INPPL1: variants seen among roughly 807,000 people sequenced by gnomAD.
INPPL1 encodes inositol polyphosphate phosphatase like 1.
In INPPL1, 91 loss-of-function variants were observed where a neutral mutation model predicts 139.3. The observed-to-expected ratio is 0.65, with a 90% confidence interval of 0.55 to 0.78. The LOEUF is 0.78. Among genes scored for constraint, INPPL1 ranks in the 30% least tolerant of loss-of-function variants. The pLI is 0.00. For synonymous variants in INPPL1, 719 were observed against 686.6 expected, an observed-to-expected ratio of 1.05 and a Z score of -0.74; for missense variants, 1,411 against 1,665.6, an observed-to-expected ratio of 0.85 and a Z score of 2.66.
rs1211956328 is a variant in INPPL1, at chr11:72,230,291, G to C, written c.1090+20G>C. On this transcript the variant is annotated intron_variant, in intron 9 of 27. Transcript: ENST00000298229. ...ACCGCAGTGAGCCAGGGCCAGACCT[G>C]GGAGGGGTGGGCAGGGCGGAGCCCC... The C allele has an allele frequency of 1.2e-6, 2 of 1,610,188 alleles. No individual in the cohort carries two copies. The highest frequency in any genetic ancestry group is 1.7e-5 in the Admixed American group (1 of 59,778).
In INPPL1 at chr11:72,238,363, C is replaced by T. The variant is rs764960933; in HGVS notation, c.*10C>T. The T allele has an allele frequency of 6.5e-7, 1 of 1,526,748 alleles. No homozygotes were observed. The allele number at this position is 1,526,748 out of a possible 1,614,324, so 94.6% of individuals were successfully genotyped here. ...GCAGCTCAGCAAGTGATAGCGGAGGCACCACGAAGCTGTGAACTCAGAGCC... is the reference window on the plus strand; with the variant it reads ...GCAGCTCAGCAAGTGATAGCGGAGGTACCACGAAGCTGTGAACTCAGAGCC... On this transcript the variant is annotated 3_prime_UTR_variant, in exon 28 of 28. Transcript: ENST00000298229.
chr11:72,225,433 C>G (rs748135469), intron 1 of INPPL1: 2 of 985,228 alleles, frequency 2.0e-6, no homozygotes, highest in Non-Finnish European at 2.4e-6. Flanking sequence ...ACGAAAAATT[C>G]GGGCATTCCC....
Position 72,228,509 on chromosome 11 carries a change from G to T in INPPL1, c.397+11G>T, listed in dbSNP as rs1000207551. ...ACCGGGATGCCTCAGGTACTTCCCA[G>T]TGTGCAGGTCCCCTCCCTGCCCCTG... On this transcript the variant is annotated intron_variant, in intron 3 of 27. Transcript: ENST00000298229. The surrounding 1 kb of genome is among the most constrained non-coding windows in gnomAD (Gnocchi z 5.0). The T allele has an allele frequency of 6.2e-7, 1 of 1,603,852 alleles. No individual in the cohort carries two copies. The highest frequency in any genetic ancestry group is 8.5e-7 in the Non-Finnish European group (1 of 1,179,866).
Position 72,235,576 on chromosome 11 carries a change from G to T in INPPL1, c.2660-99G>T. 1 of 1,569,134 alleles carries T rather than the reference G, an allele frequency of 6.4e-7. No homozygotes were observed. The highest frequency in any genetic ancestry group is 1.1e-5 in the South Asian group (1 of 87,230). On this transcript the variant is annotated intron_variant, in intron 23 of 27. Transcript: ENST00000298229. The surrounding 1 kb of genome is among the most constrained non-coding windows in gnomAD (Gnocchi z 4.9). ...TGCAGCCACAGCTGGGAATAGTCCT[G>T]CCCCAAGGCATAGCTGGGAAAGGGC...
In INPPL1 at chr11:72,238,420, C is replaced by T. The variant is rs1949064688; in HGVS notation, c.*67C>T. On this transcript the variant is annotated 3_prime_UTR_variant, in exon 28 of 28. Coordinates refer to ENST00000298229, the MANE Select transcript of INPPL1 (RefSeq NM_001567.4). ...TGCTACCAAGGCCCAGCTATGGCCCCAGGGTTGAAAAGTTATGAGGGTCAG... is the reference window on the plus strand; with the variant it reads ...TGCTACCAAGGCCCAGCTATGGCCCTAGGGTTGAAAAGTTATGAGGGTCAG... 7.2e-7 allele frequency: 1 copy of T among 1,398,258 alleles called. No individual in the cohort carries two copies. The highest frequency in any genetic ancestry group is 9.6e-7 in the Non-Finnish European group (1 of 1,041,538). 86.6% of individuals were successfully genotyped at this position (1,398,258 alleles called of 1,614,324 possible).
chr11:72,228,541 G>A lies in INPPL1; in HGVS notation c.397+43G>A. On this transcript the variant is annotated intron_variant, in intron 3 of 27. Coordinates refer to ENST00000298229, the MANE Select transcript of INPPL1 (RefSeq NM_001567.4). This position sits in a 1 kb window ranked among gnomAD's most constrained non-coding sequence, Gnocchi z 5.0. ...GGTCCCCTCCCTGCCCCTGTCCCTTGGCTCTACCTGCCTCTTCCCATCCCC... is the reference window on the plus strand; with the variant it reads ...GGTCCCCTCCCTGCCCCTGTCCCTTAGCTCTACCTGCCTCTTCCCATCCCC... The A allele has an allele frequency of 6.3e-7, 1 of 1,594,236 alleles. No homozygotes were observed. The highest frequency in any genetic ancestry group is 8.5e-7 in the Non-Finnish European group (1 of 1,175,250).
At chr11:72,225,727 C>T (rs899362438) in intron 1 of INPPL1, among the ~76,000 whole-genome samples, 38 of 152,144 alleles carry the variant, frequency 2.5e-4, no homozygotes, top group African/African-American at 8.9e-4. Context: ...GGGACCTTGC[C>T]ATTATTTCTG....
chr11:72,223,836 C>CCGGGGCGGCG (rs975962196), upstream of INPPL1: 2 of 150,140 alleles, frequency 1.3e-5, no homozygotes, highest in East Asian at 3.9e-4. Flanking sequence ...CCCCGGCTCC[C>CCGGGGCGGCG]CGGGGCGGCG....
chr11:72,230,872 C>T lies in INPPL1; in HGVS notation c.1274C>T (p.Ser425Leu). 4 of 1,614,066 alleles carry T rather than the reference C, an allele frequency of 2.5e-6. No individual in the cohort carries two copies. Among genetic ancestry groups the T allele is most frequent in the Non-Finnish European group, 3.4e-6 (4 of 1,179,996 alleles). The change falls in exon 11 of 28, where the codon TCA becomes TTA. Residue 425 changes from serine (S) to leucine (L), a missense_variant. Physicochemically the swap from Ser to Leu is moderately radical, Grantham distance 145. This residue lies in a region of INPPL1 where 504 missense variants were observed against 595.6 expected (regional missense o/e 0.85). Coordinates refer to ENST00000298229, the MANE Select transcript of INPPL1 (RefSeq NM_001567.4). ...AAGCAGGACGAGCCCGACATGATCT[C>T]AGTCTTCATAGGCACCTGGAACATG... The part of the protein sequence containing the change: ...HSKQDEPDMI[S>L]VFIGTWNMGS...
rs1226193300 is a variant in INPPL1 at position 72,237,534 on chromosome 11, C to T, written c.3290C>T (p.Pro1097Leu). ...CCACCTCCCAAGGCCCATCCAAGGC[C>T]TCCACTGCCCCCAGGCCCCTCACCA... Reference protein sequence around the residue: ...GPPPPKAHPRPPLPPGPSPAS... With the variant: ...GPPPPKAHPRLPLPPGPSPAS... The change falls in exon 26 of 28, where the codon CCT becomes CTT. Residue 1097 changes from proline to leucine, a missense_variant. Around this residue, in one of 5 missense-constraint regions of INPPL1, gnomAD observed 438 missense variants for 425.7 expected, o/e 1.03. Transcript: ENST00000298229. The T allele has an allele frequency of 9.3e-6, 15 of 1,605,032 alleles. No individual in the cohort carries two copies. The highest frequency in any genetic ancestry group is 1.2e-5 in the Non-Finnish European group (14 of 1,174,130).
At chr11:72,233,054 C>T in intron 16 of INPPL1, 21 bp from the exon 17 acceptor site, 1 of 1,612,484 alleles carries the variant, frequency 6.2e-7, no homozygotes, top group Non-Finnish European at 8.5e-7. Context: ...CTGAACCCCA[C>T]CTGTCTCCTG....
rs2276048 is a variant in INPPL1 at position 72,230,168 on chromosome 11, A to G, written c.987A>G (p.Ser329=). 332,814 of 1,610,878 alleles carry G rather than the reference A, an allele frequency of 0.21. 39,762 individuals carry two copies. Among genetic ancestry groups the G allele is most frequent in the African/African-American group, 0.48 (36,307 of 74,966 alleles). The change falls in exon 9 of 28, where the codon TCA becomes TCG. Residue 329 remains serine (S), a synonymous_variant. Transcript: ENST00000298229. The part of the protein sequence containing the change: ...TLGDLTKIGK[S]QKFTLSVDVE... ...GTGACCTGACCAAGATTGGGAAGTCACAGAAGTTCACGCTGAGCGTGGATG... is the reference window on the plus strand; with the variant it reads ...GTGACCTGACCAAGATTGGGAAGTCGCAGAAGTTCACGCTGAGCGTGGATG...
Position 72,234,579 on chromosome 11 carries a change from C to T in INPPL1, c.2379C>T (p.Phe793=), listed in dbSNP as rs1948928311. ...CCCAGAGCAGTGACAACATCAACTTCCTCAAAGTGCAGTGGTCTTCACGCC... is the reference window on the plus strand; with the variant it reads ...CCCAGAGCAGTGACAACATCAACTTTCTCAAAGTGCAGTGGTCTTCACGCC... ...NDAQSSDNIN[F]LKVQWSSRQL... Residue 793 remains phenylalanine (F), a synonymous_variant, in exon 21 of 28, where the codon TTC becomes TTT. Coordinates refer to ENST00000298229, the MANE Select transcript of INPPL1 (RefSeq NM_001567.4). This position sits in a 1 kb window ranked among gnomAD's most constrained non-coding sequence, Gnocchi z 4.2. 1 of 1,610,120 alleles carries T rather than the reference C, an allele frequency of 6.2e-7. No homozygotes were observed. Among genetic ancestry groups the T allele is most frequent in the Non-Finnish European group, 8.5e-7 (1 of 1,177,712 alleles).
At chr11:72,225,802 C>T (rs1470386021) in intron 1 of INPPL1, among the ~76,000 whole-genome samples, 1 of 152,194 alleles carries the variant, frequency 6.6e-6, no homozygotes, top group Non-Finnish European at 1.5e-5. Context: ...GCTGCCCTAG[C>T]CCTGAGCTAT....
chr11:72,235,553 C>A lies in INPPL1; in HGVS notation c.2659+102C>A. ...ATCTCTGGGATACCTGGAGGTTCTG[C>A]AGCCACAGCTGGGAATAGTCCTGCC... is the stretch of plus-strand genomic sequence containing the variant. On this transcript the variant is annotated intron_variant, in intron 23 of 27. Transcript: ENST00000298229. The surrounding 1 kb of genome is among the most constrained non-coding windows in gnomAD (Gnocchi z 4.9). 1 of 1,555,702 alleles carries A rather than the reference C, an allele frequency of 6.4e-7. No individual in the cohort carries two copies.
chr11:72,232,536 T>C (rs962544586), intron 14 of INPPL1, 90 bp from the exon 15 acceptor site: 2 of 1,500,770 alleles, frequency 1.3e-6, no homozygotes, highest in Non-Finnish European at 1.8e-6. Context: ...CATCCCTGAC[T>C]CCTGAGACTT....
In INPPL1 at chr11:72,235,950, C is replaced by G; in HGVS notation, c.2843C>G (p.Pro948Arg). The part of the protein sequence containing the change: ...PPPTGRPPAP[P>R]RAAPREEPLT... ...CCAACGGGGAGGCCCCCAGCCCCACCCCGAGCAGCTCCCCGGGAGGAGCCC... is the reference window on the plus strand; with the variant it reads ...CCAACGGGGAGGCCCCCAGCCCCACGCCGAGCAGCTCCCCGGGAGGAGCCC... The change falls in exon 25 of 28, where the codon CCC becomes CGC. Residue 948 changes from proline (P) to arginine (R), a missense_variant. This residue lies in a region of INPPL1 where 438 missense variants were observed against 425.7 expected (regional missense o/e 1.03). Coordinates refer to ENST00000298229, the MANE Select transcript of INPPL1 (RefSeq NM_001567.4). The surrounding 1 kb of genome is among the most constrained non-coding windows in gnomAD (Gnocchi z 4.9). 1 of 1,609,320 alleles carries G rather than the reference C, an allele frequency of 6.2e-7. No homozygotes were observed. Among genetic ancestry groups the G allele is most frequent in the Non-Finnish European group, 8.5e-7 (1 of 1,178,128 alleles).
intron 1 of INPPL1, among the ~76,000 whole-genome samples, chr11:72,226,162 T>C (rs986297108): frequency 1.3e-5 from 2 of 150,554 alleles, no homozygotes; most frequent in Non-Finnish European, 3.0e-5. Context: ...CACATTAGCC[T>C]AGACCAGGGG....
Position 72,234,396 on chromosome 11 carries a change from T to C in INPPL1, c.2326+2T>C. Reference sequence around the variant, plus strand: ...AGTTCTACTCTACCTGCCTGGAGGGTCAGAGGCGTGGCAGGGGCTGGGTGT... The same window carrying C: ...AGTTCTACTCTACCTGCCTGGAGGGCCAGAGGCGTGGCAGGGGCTGGGTGT... On this transcript the variant is annotated splice_donor_variant, in intron 20 of 27. Transcript: ENST00000298229. LOFTEE classifies it high-confidence loss of function. This position sits in a 1 kb window ranked among gnomAD's most constrained non-coding sequence, Gnocchi z 4.2. The C allele has an allele frequency of 6.2e-7, 1 of 1,612,992 alleles. No homozygotes were observed. The highest frequency in any genetic ancestry group is 8.5e-7 in the Non-Finnish European group (1 of 1,179,352).
Sources: allele counts gnomAD v4.1 joint callset (sites outside exome capture counted in the v4.1 genomes callset), GRCh38; gene constraint gnomAD v4.1.1; regional missense constraint gnomAD v4.1.1; non-coding constraint Gnocchi (gnomAD v3.1); transcripts MANE v1.5; gene names NCBI Gene and HGNC (gene_info 2026-07-23, HGNC 2026-07-21).